Variants in C5 observed in about 807,000 individuals in gnomAD.
C5 encodes the protein complement C5.
In C5, 140 loss-of-function variants were observed where a neutral mutation model predicts 218.8. The observed-to-expected ratio is 0.64, with a 90% CI of 0.56 to 0.74. C5 has a LOEUF of 0.74. Ranked by LOEUF, C5 falls within the 30% of genes least tolerant of loss-of-function variation. The probability of loss-of-function intolerance (pLI) is 0.00; values close to 1 mark genes in which losing one functional copy is unlikely to be tolerated. For synonymous variants in C5, 614 were observed against 682.3 expected (o/e 0.90, Z 1.56); for missense variants, 1,700 against 1,969.6 (o/e 0.86, Z 2.59).
chr9:121,066,963 G>A, the C5 span, among the ~76,000 whole-genome samples: 1 of 151,870 alleles, frequency 6.6e-6, no homozygotes, highest in Non-Finnish European at 1.5e-5. Flanking sequence ...TCAACAGTTT[G>A]GGTATAAAAT....
At chr9:120,957,510 C>G (rs867753551) in intron 38 of C5, 142 bp from the exon 39 acceptor site, 16 of 658,590 alleles carry the variant, frequency 2.4e-5, no homozygotes, top group Middle Eastern at 8.1e-4. Flanking sequence ...AAGCCTTCCC[C>G]AATCCCCTCA....
intron 5 of C5, among the ~76,000 whole-genome samples, chr9:121,033,811 AT>A (rs1274779486): frequency 6.6e-6 from 1 of 152,226 alleles, no homozygotes; most frequent in Non-Finnish European, 1.5e-5. Context: ...GCAGCCATGT[AT>A]AGATGCACTT....
chr9:121,066,452 G>A, the C5 span, among the ~76,000 whole-genome samples: 1 of 151,228 alleles, frequency 6.6e-6, no homozygotes, highest in South Asian at 2.1e-4. Flanking sequence ...TAGGTAAACA[G>A]AACTCACAAC....
At chr9:121,054,320 C>T (rs546339754), upstream of C5, among the ~76,000 whole-genome samples, 2 of 152,194 alleles carry the variant, frequency 1.3e-5, no homozygotes, top group Non-Finnish European at 2.9e-5. Context: ...CTGGTATAGT[C>T]CGGGCGTGGT....
intron 39 of C5, 89 bp downstream of exon 39, chr9:120,957,196 G>T: frequency 2.2e-6 from 2 of 891,204 alleles, no homozygotes; most frequent in East Asian, 2.5e-5. Flanking sequence ...TATTTGAGTT[G>T]TATCTTCTGT....
chr9:120,965,804 C>G (rs1252457860), intron 33 of C5, among the ~76,000 whole-genome samples: 1 of 152,070 alleles, frequency 6.6e-6, no homozygotes, highest in Non-Finnish European at 1.5e-5. Flanking sequence ...AAGGGCCTCC[C>G]GAGTGGAGAG....
chr9:121,067,114 T>C, the C5 span, among the ~76,000 whole-genome samples: 1 of 151,670 alleles, frequency 6.6e-6, no homozygotes, highest in Non-Finnish European at 1.5e-5. Flanking sequence ...ATAATTATTT[T>C]TAAATTAGCC....
chr9:120,985,809 G>C (rs1436544817), intron 25 of C5, among the ~76,000 whole-genome samples: 4 of 152,166 alleles, frequency 2.6e-5, no homozygotes, highest in Admixed American at 6.5e-5. Context: ...CTTTTACAAT[G>C]CTTAACTTTC....
chr9:121,007,958 A>G (rs41309876), intron 18 of C5, among the ~76,000 whole-genome samples: 17 of 152,336 alleles, frequency 1.1e-4, no homozygotes, highest in African/African-American at 3.8e-4. Flanking sequence ...ATCTAAGAAG[A>G]GTATGGCTCG....
chr9:120,999,919 C>A (rs1164824336), intron 20 of C5: 1 of 450,036 alleles, frequency 2.2e-6, no homozygotes, highest in Non-Finnish European at 4.4e-6. Flanking sequence ...GTTGGCTGGG[C>A]ATGGTGGTGT....
At chr9:120,987,464 G>T (rs2047041369) in intron 25 of C5, among the ~76,000 whole-genome samples, 1 of 151,758 alleles carries the variant, frequency 6.6e-6, no homozygotes, top group Non-Finnish European at 1.5e-5. Context: ...CCAACATGGT[G>T]AAACCCCACC....
At position 120,976,742 on chromosome 9, in the gene C5, T is replaced by G; in HGVS notation, c.3822A>C (p.Leu1274=). The change falls in exon 29 of 41, where the codon CTA becomes CTC. Residue 1274 remains leucine, a synonymous_variant. Transcript: ENST00000223642. ...CACCTCCATACCTCTGCTCTTCTGATAGCCATTTGATGACTGGGTTAACAT... is the reference window on the plus strand; with the variant it reads ...CACCTCCATACCTCTGCTCTTCTGAGAGCCATTTGATGACTGGGTTAACAT... ...INYVNPVIKW[L]SEEQRYGGGF... 1 of 1,614,200 alleles carries G rather than the reference T, an allele frequency of 6.2e-7. No individual in the cohort carries two copies. Among genetic ancestry groups the G allele is most frequent in the Non-Finnish European group, 8.5e-7 (1 of 1,180,024 alleles).
At chr9:121,074,640 T>A in the C5 span, 7 of 369,412 alleles carry the variant, frequency 1.9e-5, no homozygotes, top group Non-Finnish European at 3.8e-5. Flanking sequence ...CTGAGAAGCG[T>A]GTCCGTGTTT....
Position 121,013,903 on chromosome 9 carries a change from A to C in C5, c.2227T>G (p.Ser743Ala). ...VVASQLRANI[S>A]HKDMQLGRLH... ...CTTCCCAATTGCATGTCTTTATGAG[A>C]GATATTAGCACGGAGCTGGCTTGCG... The change falls in exon 17 of 41, where the codon TCT becomes GCT. Residue 743 changes from serine (S) to alanine (A), a missense_variant. Ser to Ala is a moderately conservative substitution (Grantham distance 99). Coordinates refer to ENST00000223642, the MANE Select transcript of C5 (RefSeq NM_001735.3). 1 of 1,614,130 alleles carries C rather than the reference A, an allele frequency of 6.2e-7. No homozygotes were observed. Among genetic ancestry groups the C allele is most frequent in the Non-Finnish European group, 8.5e-7 (1 of 1,180,008 alleles).
chr9:120,990,131 G>A (rs1196928846), intron 23 of C5, among the ~76,000 whole-genome samples: 1 of 152,190 alleles, frequency 6.6e-6, no homozygotes, highest in Non-Finnish European at 1.5e-5. Context: ...CAAAGAGCCT[G>A]AACAGGGAGT....
chr9:120,970,065 T>A, intron 32 of C5, 105 bp downstream of exon 32: 1 of 779,512 alleles, frequency 1.3e-6, no homozygotes, highest in Non-Finnish European at 2.2e-6. Flanking sequence ...GGTTAAGAAA[T>A]TTCACTTTTT....
intron 14 of C5, among the ~76,000 whole-genome samples, chr9:121,017,154 C>G (rs1023266895): frequency 3.9e-5 from 6 of 152,198 alleles, no homozygotes; most frequent in Non-Finnish European, 8.8e-5. Context: ...ATCATATATT[C>G]TTAAAGTGCT....
intron 17 of C5, among the ~76,000 whole-genome samples, chr9:121,012,890 G>A (rs938311457): frequency 2.6e-5 from 4 of 152,090 alleles, no homozygotes; most frequent in African/African-American, 9.7e-5. Flanking sequence ...CACAGGAAAG[G>A]TACAGAAAAA....
rs2047061245 is a variant in C5 at position 120,989,633 on chromosome 9, T to A, written c.3089A>T (p.His1030Leu). The A allele has an allele frequency of 3.1e-6, 5 of 1,613,866 alleles. No individual in the cohort carries two copies. Among genetic ancestry groups the A allele is most frequent in the Non-Finnish European group, 4.2e-6 (5 of 1,179,816 alleles). The change falls in exon 24 of 41, where the codon CAT becomes CTT. Residue 1030 changes from histidine (H) to leucine (L), a missense_variant. His to Leu is a moderately conservative substitution (Grantham distance 99). Transcript: ENST00000223642. ...YVFHYLETGN[H>L]WNIFHSDPLI... ...TGGGTCAGAATGAAAAATGTTCCAATGATTTCCTGTTTCCAGGTAGTGAAA... is the reference window on the plus strand; with the variant it reads ...TGGGTCAGAATGAAAAATGTTCCAAAGATTTCCTGTTTCCAGGTAGTGAAA...
Sources: gnomAD v4.1 joint callset for allele counts (sites outside exome capture counted in the v4.1 genomes callset) on GRCh38, gnomAD v4.1.1 for gene constraint, MANE v1.5 for transcripts, NCBI Gene and HGNC (gene_info 2026-07-23, HGNC 2026-07-21) for gene names.